METAP1D: variants seen among roughly 807,000 people sequenced by gnomAD.
METAP1D encodes the protein methionine aminopeptidase 1D, mitochondrial.
In METAP1D, 31 loss-of-function variants were observed where a neutral mutation model predicts 40.5. That is an observed-to-expected ratio of 0.77 (90% CI 0.58 to 1.03). METAP1D has a LOEUF of 1.03. Ranked by LOEUF, METAP1D falls within the 50% of genes least tolerant of loss-of-function variation. The pLI is 0.00. For missense variants in METAP1D, 411 were observed against 420.7 expected, an observed-to-expected ratio of 0.98 and a Z score of 0.20; for synonymous variants, 151 against 146.4, an observed-to-expected ratio of 1.03 and a Z score of -0.22.
At chr2:172,069,888 T>G (rs556508544) in intron 5 of METAP1D, among the ~76,000 whole-genome samples, 1 of 152,310 alleles carries the variant, frequency 6.6e-6, no homozygotes, top group East Asian at 1.9e-4. Context: ...ATGAGAGCAT[T>G]TTTTAAGAAA....
chr2:172,010,139 C>G (rs1261791815), intron 1 of METAP1D, among the ~76,000 whole-genome samples: 1 of 149,366 alleles, frequency 6.7e-6, no homozygotes, highest in Non-Finnish European at 1.5e-5. Flanking sequence ...TTTTTTGTCC[C>G]TTCTTTTTTT....
At chr2:172,010,252 C>T (rs528205315) in intron 1 of METAP1D, among the ~76,000 whole-genome samples, 121 of 151,238 alleles carry the variant, frequency 8.0e-4, no homozygotes, top group Middle Eastern at 3.4e-3. Flanking sequence ...GCGATCCTTC[C>T]ACCTCAGCCC....
At chr2:172,059,788 C>T (rs1468040056) in intron 1 of METAP1D, among the ~76,000 whole-genome samples, 1 of 152,282 alleles carries the variant, frequency 6.6e-6, no homozygotes, top group East Asian at 1.9e-4. Context: ...GCGGTGGCTA[C>T]GCCCGTAATC....
chr2:172,037,296 T>G (rs1003016792), intron 1 of METAP1D, among the ~76,000 whole-genome samples: 169 of 146,272 alleles, frequency 1.2e-3, no homozygotes, highest in Admixed American at 3.9e-3. Context: ...TTACTTGGGG[T>G]GTGTGTGTGT....
intron 1 of METAP1D, among the ~76,000 whole-genome samples, chr2:172,041,505 T>G (rs1490522628): frequency 8.1e-6 from 1 of 122,806 alleles, no homozygotes; most frequent in Non-Finnish European, 1.9e-5. Context: ...ATTGGTTAAA[T>G]AAGGTGTTGT....
intron 5 of METAP1D, among the ~76,000 whole-genome samples, chr2:172,070,082 T>G (rs2105489794): frequency 6.6e-6 from 1 of 152,284 alleles, no homozygotes; most frequent in East Asian, 1.9e-4. Flanking sequence ...AGGATCAGTA[T>G]CCAAACAGTT....
chr2:172,027,561 G>A (rs1689145935), intron 1 of METAP1D, among the ~76,000 whole-genome samples: 1 of 152,226 alleles, frequency 6.6e-6, no homozygotes, highest in South Asian at 2.1e-4. Context: ...TTCTCAGAAT[G>A]TATCCCTGTT....
At chr2:172,050,640 T>G (rs922468173) in intron 1 of METAP1D, among the ~76,000 whole-genome samples, 2 of 152,210 alleles carry the variant, frequency 1.3e-5, no homozygotes, top group African/African-American at 4.8e-5. Flanking sequence ...ATTTGCCAGA[T>G]GTTCTGTGCT....
rs1689611805 is a variant in METAP1D, at chr2:172,042,719, G to GTGTACACATATACGTGTGTGTGTGTATA, written c.41-18755_41-18728dup. Among the ~76,000 whole-genome samples, 8 of 9,726 alleles carry GTGTACACATATACGTGTGTGTGTGTATA rather than the reference G, an allele frequency of 8.2e-4. 4 individuals are homozygous for GTGTACACATATACGTGTGTGTGTGTATA. In the South Asian group the frequency reaches 0.038, roughly 47 times the overall value. 6.4% of individuals were successfully genotyped at this position (9,726 alleles called of 152,430 possible). On this transcript the variant is annotated intron_variant, in intron 1 of 9. Transcript: ENST00000315796. ...CACATATACGTGTGTGTGTGTATAT[G>GTGTACACATATACGTGTGTGTGTGTATA]TGTACACATATACGTGTGTGTGTGT...
rs1204350070 is a variant in METAP1D, at chr2:172,069,485, A to G, written c.541-1422A>G. On this transcript the variant is annotated intron_variant, in intron 5 of 9. Transcript: ENST00000315796. ...AGCATAGTCTTCCCTACTGTTTCCA[A>G]TGTGTCCAAAGAGAATACTCTATTC... 4.6e-5 allele frequency among the ~76,000 whole-genome samples: 7 copies of G among 152,200 alleles called. No individual in the cohort carries two copies. In the South Asian group the frequency reaches 1.0e-3, roughly 23 times the overall value.
chr2:172,074,626 T>C (rs756051211), intron 6 of METAP1D, among the ~76,000 whole-genome samples: 1 of 152,230 alleles, frequency 6.6e-6, no homozygotes, highest in Non-Finnish European at 1.5e-5. Context: ...TCTACTACTT[T>C]TTTGGAAAAC....
intron 6 of METAP1D, among the ~76,000 whole-genome samples, chr2:172,075,427 C>T (rs1450738607): frequency 2.0e-5 from 3 of 152,186 alleles, no homozygotes; most frequent in African/African-American, 4.8e-5. Context: ...TGTTTGGGAG[C>T]ACTTCGGTGC....
chr2:172,027,768 C>T (rs1048944110), intron 1 of METAP1D, among the ~76,000 whole-genome samples: 1 of 152,160 alleles, frequency 6.6e-6, no homozygotes, highest in Non-Finnish European at 1.5e-5. Flanking sequence ...TTTCTTATCC[C>T]TCACTTTCCA....
chr2:172,017,943 A>G (rs1046512542), intron 1 of METAP1D, among the ~76,000 whole-genome samples: 1 of 151,964 alleles, frequency 6.6e-6, no homozygotes, highest in African/African-American at 2.4e-5. Context: ...CCTGACCAAC[A>G]TGGTGAAACC....
chr2:172,027,604 A>G (rs1689146606), intron 1 of METAP1D, among the ~76,000 whole-genome samples: 1 of 152,264 alleles, frequency 6.6e-6, no homozygotes, highest in South Asian at 2.1e-4. Flanking sequence ...TTGTGTGTGT[A>G]AGGATATGAG....
chr2:172,006,424 C>T (rs978552446), intron 1 of METAP1D, among the ~76,000 whole-genome samples: 12 of 152,272 alleles, frequency 7.9e-5, no homozygotes, highest in African/African-American at 2.6e-4. Context: ...ACCTCGTGAT[C>T]TGCCTGCCTT....
intron 1 of METAP1D, among the ~76,000 whole-genome samples, chr2:172,002,989 T>C (rs1688498862): frequency 6.6e-6 from 1 of 152,240 alleles, no homozygotes; most frequent in Non-Finnish European, 1.5e-5. Context: ...TGCTCCTTAC[T>C]AGATTATTAA....
At chr2:172,028,155 A>G (rs1048379530) in intron 1 of METAP1D, among the ~76,000 whole-genome samples, 2 of 144,308 alleles carry the variant, frequency 1.4e-5, no homozygotes, top group Non-Finnish European at 3.2e-5. Flanking sequence ...GGTGCCAGTA[A>G]CTAGGGGGGA....
chr2:172,000,031 C>A (rs1688420546), intron 1 of METAP1D, 22 bp downstream of exon 1: 1 of 1,303,140 alleles, frequency 7.7e-7, no homozygotes, highest in Non-Finnish European at 9.8e-7. Context: ...GAGGAGAGCC[C>A]CGTGAGGGTT....
Sources: gnomAD v4.1 joint callset for allele counts (sites outside exome capture counted in the v4.1 genomes callset) on GRCh38, gnomAD v4.1.1 for gene constraint, MANE v1.5 for transcripts, NCBI Gene and HGNC (gene_info 2026-07-23, HGNC 2026-07-21) for gene names.